PREX1: variants seen among roughly 807,000 people sequenced by gnomAD.
The protein encoded by PREX1 is phosphatidylinositol-3,4,5-trisphosphate dependent Rac exchange factor 1.
Under a neutral mutation model 198.3 loss-of-function variants are expected in PREX1, and 41 were observed. That is an observed-to-expected ratio of 0.21 (90% confidence interval 0.16 to 0.27). The LOEUF (loss-of-function observed/expected upper bound fraction) is 0.27. Ranked by LOEUF, PREX1 falls within the 10% of genes least tolerant of loss-of-function variation. The pLI, the probability that PREX1 is intolerant of heterozygous loss-of-function variation, is 1.00. For synonymous variants in PREX1, 843 were observed against 887.2 expected, an observed-to-expected ratio of 0.95 and a Z score of 0.89; for missense variants, 1,620 against 2,200.7, an observed-to-expected ratio of 0.74 and a Z score of 5.28.
At chr20:48,667,917 G>C (rs56385378) in intron 14 of PREX1, among the ~76,000 whole-genome samples, 1 of 152,154 alleles carries the variant, frequency 6.6e-6, no homozygotes, top group Non-Finnish European at 1.5e-5. Flanking sequence ...GAAAAGCAGC[G>C]CTGATTGTCC....
chr20:48,742,049 G>A lies in PREX1; in HGVS notation c.414+2976C>T, dbSNP rs73911667. Among the ~76,000 whole-genome samples the A allele has an allele frequency of 9.8e-3, 1,485 of 152,264 alleles. 19 individuals are homozygous for A. The highest frequency in any genetic ancestry group is 0.034 in the African/African-American group (1,421 of 41,542). On this transcript the variant is annotated intron_variant, in intron 3 of 39. Coordinates refer to ENST00000371941, the MANE Select transcript of PREX1 (RefSeq NM_020820.4). ...CAGCAGGTCTCTCTGTTGGCTCAGG[G>A]GAGAACCAATCTCCAAAATACTTCA...
At chr20:48,693,749 AG>A (rs2089831462) in intron 7 of PREX1, among the ~76,000 whole-genome samples, 1 of 151,838 alleles carries the variant, frequency 6.6e-6, no homozygotes, top group Admixed American at 6.6e-5. Context: ...CTGGGACTAC[AG>A]GCATGTCTCA....
the PREX1 span, among the ~76,000 whole-genome samples, chr20:48,847,480 T>C: frequency 6.6e-6 from 1 of 152,170 alleles, no homozygotes; most frequent in African/African-American, 2.4e-5. Flanking sequence ...TTGAAACTCT[T>C]TTCTGCTCTG....
chr20:48,689,993 G>A (rs1432906878), intron 9 of PREX1, among the ~76,000 whole-genome samples: 2 of 152,212 alleles, frequency 1.3e-5, no homozygotes, highest in African/African-American at 2.4e-5. Flanking sequence ...GGGAGCAGGT[G>A]TTGCAGGGGA....
Position 48,786,215 on chromosome 20 carries a change from G to C in PREX1, c.220-38335C>G, listed in dbSNP as rs146993212. 1.6e-3 allele frequency among the ~76,000 whole-genome samples: 251 copies of C among 152,294 alleles called. 3 individuals are homozygous for C. Among genetic ancestry groups the C allele is most frequent in the African/African-American group, 6.0e-3 (248 of 41,552 alleles). ...GGGTCCTGGTGGCATGCTGGGGGCG[G>C]GGGGTGGTAAGCAGCTGGACCCCCT... On this transcript the variant is annotated intron_variant, in intron 1 of 39. Transcript: ENST00000371941.
the PREX1 span, among the ~76,000 whole-genome samples, chr20:48,859,387 C>A: frequency 6.6e-6 from 1 of 152,168 alleles, no homozygotes; most frequent in Non-Finnish European, 1.5e-5. Flanking sequence ...CCCCATAAGT[C>A]CCACAAAATG....
chr20:48,762,043 G>A (rs2090182833), intron 1 of PREX1, among the ~76,000 whole-genome samples: 1 of 152,212 alleles, frequency 6.6e-6, no homozygotes. Flanking sequence ...GAACACCTGA[G>A]TGTGAGACTT....
the PREX1 span, among the ~76,000 whole-genome samples, chr20:48,871,774 G>GCTTC: frequency 2.4e-5 from 3 of 125,782 alleles, no homozygotes; most frequent in South Asian, 8.5e-4. Context: ...AATTGTGCTT[G>GCTTC]GTAATCACAC....
chr20:48,864,068 G>A, the PREX1 span, among the ~76,000 whole-genome samples: 9 of 152,140 alleles, frequency 5.9e-5, no homozygotes, highest in Non-Finnish European at 4.4e-5. Context: ...TATGAACAAA[G>A]GCTTATACAT....
rs139003221 is a variant in PREX1, at chr20:48,790,574, C to T, written c.219+37068G>A. Among the ~76,000 whole-genome samples the T allele has an allele frequency of 1.8e-3, 275 of 152,282 alleles. 2 individuals are homozygous for T. Among genetic ancestry groups the T allele is most frequent in the African/African-American group, 6.5e-3 (269 of 41,554 alleles). ...ACAGCTAAATTCTGTTGTGCTCATTCTGCATGCTTCAGCTTTTCTTAGACT... is the reference window on the plus strand; with the variant it reads ...ACAGCTAAATTCTGTTGTGCTCATTTTGCATGCTTCAGCTTTTCTTAGACT... On this transcript the variant is annotated intron_variant, in intron 1 of 39. Transcript: ENST00000371941.
At position 48,625,602 on chromosome 20, in the gene PREX1, C is replaced by T. The variant is rs2089264557; in HGVS notation, c.*283G>A. The stretch of plus-strand genomic sequence containing the variant: ...GTTCTGGGGACGCAGGAGCCGAAGG[C>T]CAGGCACCAGCTGCTCCCATCAGCT... On this transcript the variant is annotated 3_prime_UTR_variant, in exon 40 of 40. Coordinates refer to ENST00000371941, the MANE Select transcript of PREX1 (RefSeq NM_020820.4). 2 of 394,678 alleles carry T rather than the reference C, an allele frequency of 5.1e-6. No homozygotes were observed. The highest frequency in any genetic ancestry group is 2.1e-5 in the African/African-American group (1 of 47,564). 24.4% of individuals were successfully genotyped at this position (394,678 alleles called of 1,614,324 possible). A position where few individuals can be genotyped will look rare whatever the true frequency, so the allele number is the denominator to read the frequency against.
At chr20:48,747,286 G>A (rs947170362) in intron 2 of PREX1, among the ~76,000 whole-genome samples, 2 of 152,196 alleles carry the variant, frequency 1.3e-5, no homozygotes, top group African/African-American at 4.8e-5. Context: ...GGAGAGCCAG[G>A]CTGGGGCTGA....
chr20:48,735,342 C>G (rs967888008), intron 3 of PREX1, among the ~76,000 whole-genome samples: 1 of 152,088 alleles, frequency 6.6e-6, no homozygotes, highest in Non-Finnish European at 1.5e-5. Context: ...CCCGAACAAG[C>G]TAAGGAAGGA....
intron 1 of PREX1, among the ~76,000 whole-genome samples, chr20:48,776,545 C>T (rs1218759016): frequency 2.0e-5 from 3 of 152,220 alleles, no homozygotes; most frequent in Non-Finnish European, 4.4e-5. Context: ...GTTTCTCAGG[C>T]TCCTTTCTAA....
At chr20:48,807,099 T>C (rs1020836870) in intron 1 of PREX1, among the ~76,000 whole-genome samples, 1 of 152,228 alleles carries the variant, frequency 6.6e-6, no homozygotes, top group East Asian at 1.9e-4. Flanking sequence ...TTTTTTAAAT[T>C]ATTGTTAGTC....
At chr20:48,861,437 T>C in the PREX1 span, among the ~76,000 whole-genome samples, 40 of 152,224 alleles carry the variant, frequency 2.6e-4, no homozygotes, top group Non-Finnish European at 1.2e-4. Flanking sequence ...CCGGGGGCTA[T>C]GTTTTTCCGA....
In PREX1 at chr20:48,732,825, T is replaced by C. The variant is rs374350668; in HGVS notation, c.519+1721A>G. On this transcript the variant is annotated intron_variant, in intron 4 of 39. Transcript: ENST00000371941. ...GGAGGAGATGTGTGCAGCTTCCTGTTACGCCCTGAAAAGGAGAAGGGTATG... is the reference window on the plus strand; with the variant it reads ...GGAGGAGATGTGTGCAGCTTCCTGTCACGCCCTGAAAAGGAGAAGGGTATG... Among the ~76,000 whole-genome samples the C allele has an allele frequency of 2.0e-4, 30 of 152,284 alleles. No individual in the cohort carries two copies. The East Asian group carries it at 3.5e-3, about 18-fold the overall frequency.
intron 1 of PREX1, among the ~76,000 whole-genome samples, chr20:48,820,690 C>T (rs2090480552): frequency 1.3e-5 from 2 of 152,164 alleles, no homozygotes; most frequent in Non-Finnish European, 2.9e-5. Flanking sequence ...TATCTGGAGA[C>T]ATCTGTGGTT....
intron 1 of PREX1, among the ~76,000 whole-genome samples, chr20:48,775,899 G>A (rs2090259000): frequency 2.6e-5 from 4 of 152,158 alleles, no homozygotes; most frequent in Admixed American, 2.6e-4. Context: ...TCAGCAGTAT[G>A]AAAATGGACT....
Sources: allele counts gnomAD v4.1 joint callset (sites outside exome capture counted in the v4.1 genomes callset), GRCh38; gene constraint gnomAD v4.1.1; transcripts MANE v1.5; gene names NCBI Gene and HGNC (gene_info 2026-07-23, HGNC 2026-07-21).